JAK1: variants seen among roughly 807,000 people sequenced by gnomAD.
JAK1 encodes the protein Janus kinase 1.
JAK1 carries 16 observed loss-of-function variants against 136.6 expected under a neutral mutation model. That is an observed-to-expected ratio of 0.12 (90% confidence interval 0.08 to 0.18). The LOEUF is 0.18. Among genes scored for constraint, JAK1 ranks in the 10% least tolerant of loss-of-function variants. The pLI, the probability that JAK1 is intolerant of heterozygous loss-of-function variation, is 1.00. For synonymous variants in JAK1, 492 were observed against 519.5 expected, an observed-to-expected ratio of 0.95 and a Z score of 0.72; for missense variants, 859 against 1,450.1, an observed-to-expected ratio of 0.59 and a Z score of 6.62.
intron 2 of JAK1, among the ~76,000 whole-genome samples, chr1:65,016,290 G>T (rs1218215960): frequency 6.6e-6 from 1 of 152,170 alleles, no homozygotes; most frequent in African/African-American, 2.4e-5. Context: ...GTATAACATT[G>T]TGGACCTAAG....
intron 19 of JAK1, among the ~76,000 whole-genome samples, chr1:64,840,554 A>AG (rs2100970308): frequency 6.6e-6 from 1 of 152,318 alleles, no homozygotes; most frequent in South Asian, 2.1e-4. Context: ...AGAGCCTTAC[A>AG]GGGCTGGGTA....
intron 1 of JAK1, among the ~76,000 whole-genome samples, chr1:64,924,247 TC>T (rs1296017425): frequency 6.6e-6 from 1 of 152,170 alleles, no homozygotes; most frequent in Non-Finnish European, 1.5e-5. Flanking sequence ...GTAGTGGCAT[TC>T]CTAGAAAATT....
chr1:64,896,219 G>A (rs557427172), intron 1 of JAK1, among the ~76,000 whole-genome samples: 34 of 152,352 alleles, frequency 2.2e-4, no homozygotes, highest in African/African-American at 7.2e-4. Flanking sequence ...GCACAGTCCA[G>A]AGCATGCTTA....
chr1:64,928,796 A>AAAAAAAAAAAAAAAAAAAAAAAAAC (rs58742571), intron 1 of JAK1, among the ~76,000 whole-genome samples: 1 of 125,268 alleles, frequency 8.0e-6, no homozygotes, highest in Non-Finnish European at 1.6e-5. Flanking sequence ...AAAAAAAAAA[A>AAAAAAAAAAAAAAAAAAAAAAAAAC]CAAAAAAAAA....
chr1:64,994,103 G>A (rs1334224217), intron 2 of JAK1, among the ~76,000 whole-genome samples: 2 of 152,042 alleles, frequency 1.3e-5, no homozygotes, highest in African/African-American at 4.8e-5. Context: ...ACCATGCCCA[G>A]CTAATTTTTG....
intron 1 of JAK1, among the ~76,000 whole-genome samples, chr1:64,920,391 T>G (rs1054112076): frequency 1.3e-5 from 2 of 151,948 alleles, no homozygotes; most frequent in African/African-American, 4.8e-5. Context: ...AACATAAAAA[T>G]TAGCTGGGTG....
In JAK1 at chr1:64,857,854, C is replaced by T. The variant is rs906089163; in HGVS notation, c.1335-75G>A. ...TTTGAACCTCTGGGCTATCCACTCT[C>T]CTGAGCTGCCTCAAGTCTTAACAGC... On this transcript the variant is annotated intron_variant, in intron 9 of 24. Coordinates refer to ENST00000342505, the MANE Select transcript of JAK1 (RefSeq NM_002227.4). 22 of 1,560,006 alleles carry T rather than the reference C, an allele frequency of 1.4e-5. No homozygotes were observed. The South Asian group carries it at 2.5e-4, about 17-fold the overall frequency.
intron 1 of JAK1, among the ~76,000 whole-genome samples, chr1:64,909,178 T>C (rs943324517): frequency 6.6e-6 from 1 of 152,236 alleles, no homozygotes; most frequent in Non-Finnish European, 1.5e-5. Flanking sequence ...TCCAAATTAC[T>C]GCTTGGTATT....
At chr1:64,899,930 G>C (rs771566959) in intron 1 of JAK1, among the ~76,000 whole-genome samples, 17 of 152,114 alleles carry the variant, frequency 1.1e-4, no homozygotes, top group African/African-American at 4.1e-4. Context: ...CTAAAGAAAC[G>C]GTGACAAAAT....
chr1:64,922,662 T>G (rs976773610), intron 1 of JAK1, among the ~76,000 whole-genome samples: 1 of 152,192 alleles, frequency 6.6e-6, no homozygotes, highest in African/African-American at 2.4e-5. Flanking sequence ...AATTCAATCA[T>G]AGATTACATA....
chr1:65,053,281 G>A (rs962476592), intron 1 of JAK1, among the ~76,000 whole-genome samples: 1 of 152,032 alleles, frequency 6.6e-6, no homozygotes, highest in African/African-American at 2.4e-5. Context: ...GGGAGGCGGA[G>A]GTTGCAATGA....
At position 64,883,530 on chromosome 1, in the gene JAK1, A is replaced by C. The variant is rs1402476124; in HGVS notation, c.7-55T>G. ...GTCACTCTATGTGCTAAAAGTTCTTATGGCAAAAGGGAGTGTTCTGAAGGT... is the reference window on the plus strand; with the variant it reads ...GTCACTCTATGTGCTAAAAGTTCTTCTGGCAAAAGGGAGTGTTCTGAAGGT... On this transcript the variant is annotated intron_variant, in intron 2 of 24. Transcript: ENST00000342505. 103 of 1,475,454 alleles carry C rather than the reference A, an allele frequency of 7.0e-5. 1 individual carries two copies. In the East Asian group the frequency reaches 2.3e-3, roughly 32 times the overall value. 91.4% of individuals were successfully genotyped at this position (1,475,454 alleles called of 1,614,324 possible). A position where few individuals can be genotyped will look rare whatever the true frequency, so the allele number is the denominator to read the frequency against.
intron 1 of JAK1, among the ~76,000 whole-genome samples, chr1:64,895,015 G>A (rs1359827796): frequency 6.6e-6 from 1 of 152,160 alleles, no homozygotes; most frequent in East Asian, 1.9e-4. Context: ...GGGCAGAGCA[G>A]GATCGGCAGG....
At chr1:64,909,763 G>GC (rs1355871456) in intron 1 of JAK1, among the ~76,000 whole-genome samples, 1 of 152,114 alleles carries the variant, frequency 6.6e-6, no homozygotes, top group Non-Finnish European at 1.5e-5. Flanking sequence ...GGTCGAGGCT[G>GC]CAATGAGCTG....
At chr1:64,930,663 A>T in intron 1 of JAK1, among the ~76,000 whole-genome samples, 1 of 35,744 alleles carries the variant, frequency 2.8e-5, no homozygotes, top group South Asian at 1.6e-3. Flanking sequence ...TACCCAAATG[A>T]TTATAAATCA....
chr1:65,024,381 T>C (rs1646960415), intron 2 of JAK1, among the ~76,000 whole-genome samples: 1 of 152,172 alleles, frequency 6.6e-6, no homozygotes. Context: ...TTCAAGAGTT[T>C]ATTGGCTACT....
intron 1 of JAK1, among the ~76,000 whole-genome samples, chr1:64,924,776 T>C (rs1367053673): frequency 2.0e-5 from 3 of 152,184 alleles, no homozygotes; most frequent in Admixed American, 1.3e-4. Context: ...AACACCTTTA[T>C]AGGATGCTAT....
intron 12 of JAK1, among the ~76,000 whole-genome samples, chr1:64,849,597 G>T (rs7526531): frequency 1.3e-5 from 2 of 152,218 alleles, no homozygotes; most frequent in South Asian, 4.1e-4. Flanking sequence ...CCCTACTTTG[G>T]AACTTGACTC....
At chr1:64,917,351 A>T (rs1043975736) in intron 1 of JAK1, among the ~76,000 whole-genome samples, 1 of 152,204 alleles carries the variant, frequency 6.6e-6, no homozygotes, top group African/African-American at 2.4e-5. Flanking sequence ...AAGATCTCAA[A>T]AAACAAACTG....
Sources: allele counts gnomAD v4.1 joint callset (sites outside exome capture counted in the v4.1 genomes callset), GRCh38; gene constraint gnomAD v4.1.1; transcripts MANE v1.5; gene names NCBI Gene and HGNC (gene_info 2026-07-23, HGNC 2026-07-21).